Variants in PLA2G4A observed in about 807,000 individuals in gnomAD.
PLA2G4A encodes the protein phospholipase A2 group IVA, also known as cytosolic phospholipase A2.
Under a neutral mutation model 81.9 loss-of-function variants are expected in PLA2G4A, and 40 were observed. The ratio of observed to expected loss-of-function variants is 0.49; its 90% CI spans 0.38 to 0.64. The LOEUF is 0.64. Among genes scored for constraint, PLA2G4A ranks in the 30% least tolerant of loss-of-function variants. The pLI, the probability that PLA2G4A is intolerant of heterozygous loss-of-function variation, is 0.00. For missense variants in PLA2G4A, 715 were observed against 905.1 expected, an observed-to-expected ratio of 0.79 and a Z score of 2.69; for synonymous variants, 302 against 296.9, an observed-to-expected ratio of 1.02 and a Z score of -0.18.
chr1:186,893,532 A>G (rs534802346), intron 4 of PLA2G4A, among the ~76,000 whole-genome samples: 1 of 152,312 alleles, frequency 6.6e-6, no homozygotes, highest in Non-Finnish European at 1.5e-5. Context: ...CTCATATTCC[A>G]AAGTAGAGAG....
intron 3 of PLA2G4A, among the ~76,000 whole-genome samples, chr1:186,889,676 C>T (rs886585625): frequency 7.2e-6 from 1 of 138,330 alleles, no homozygotes. Context: ...CAGACAACAT[C>T]TATTTAAATT....
In PLA2G4A at chr1:186,962,843, A is replaced by G. The variant is rs115713681; in HGVS notation, c.1580-2566A>G. Among the ~76,000 whole-genome samples, 250 of 152,152 alleles carry G rather than the reference A, an allele frequency of 1.6e-3. 1 individual carries two copies. The highest frequency in any genetic ancestry group is 5.8e-3 in the African/African-American group (241 of 41,518). On this transcript the variant is annotated intron_variant, in intron 14 of 17. Coordinates refer to ENST00000367466, the MANE Select transcript of PLA2G4A (RefSeq NM_024420.3). ...GTCACTTTGTGTTATTATTTTTTAT[A>G]CTATTCATTTCAAGCCCTCTTAGTT...
chr1:186,899,076 T>C (rs1269352823), intron 5 of PLA2G4A, among the ~76,000 whole-genome samples: 4 of 152,186 alleles, frequency 2.6e-5, no homozygotes, highest in Admixed American at 2.6e-4. Context: ...ATGTAAAAGA[T>C]ACTCCTGCCA....
At position 186,979,467 on chromosome 1, in the gene PLA2G4A, A is replaced by G; in HGVS notation, c.2113A>G (p.Ile705Val). 2 of 1,586,112 alleles carry G rather than the reference A, an allele frequency of 1.3e-6. No homozygotes were observed. The highest frequency in any genetic ancestry group is 4.5e-5 in the East Asian group (2 of 44,736). Residue 705 changes from isoleucine (I) to valine (V), a missense_variant, in exon 17 of 18, where the codon ATT becomes GTT. Physicochemically the swap from Ile to Val is conservative, Grantham distance 29 (BLOSUM62 3). Coordinates refer to ENST00000367466, the MANE Select transcript of PLA2G4A (RefSeq NM_024420.3). ...TATGCACTTCAATACTCTGAACAAC[A>G]TTGATGTAAGTATCTCCTATGGCCA... ...DLMHFNTLNN[I>V]DVIKEAMVES...
chr1:186,975,667 G>A (rs772177318), intron 15 of PLA2G4A, among the ~76,000 whole-genome samples: 12 of 152,298 alleles, frequency 7.9e-5, no homozygotes, highest in Non-Finnish European at 1.3e-4. Context: ...GCTATGTCAG[G>A]GATAGTGAAT....
intron 1 of PLA2G4A, among the ~76,000 whole-genome samples, chr1:186,853,254 A>AT (rs143542357): frequency 0.036 from 5,453 of 151,764 alleles, 130 homozygotes; most frequent in Middle Eastern, 0.095. Context: ...AGAAGATCCC[A>AT]TTTTTTTAAA....
Position 186,946,777 on chromosome 1 carries a change from A to G in PLA2G4A, c.1171+3A>G. ...AAACCCCTTGCATTTCTTAATGGGTAAGTGATCAAAATAAAAATATATCAT... is the reference window on the plus strand; with the variant it reads ...AAACCCCTTGCATTTCTTAATGGGTGAGTGATCAAAATAAAAATATATCAT... On this transcript the variant is annotated splice_donor_region_variant and intron_variant, in intron 11 of 17. Transcript: ENST00000367466. 2 of 1,607,512 alleles carry G rather than the reference A, an allele frequency of 1.2e-6. No homozygotes were observed. The highest frequency in any genetic ancestry group is 2.2e-5 in the South Asian group (2 of 90,928).
At chr1:186,933,903 A>G (rs1655839721) in intron 8 of PLA2G4A, among the ~76,000 whole-genome samples, 1 of 152,106 alleles carries the variant, frequency 6.6e-6, no homozygotes, top group African/African-American at 2.4e-5. Flanking sequence ...TGGGACATCT[A>G]TATATTTTAC....
chr1:186,882,196 T>C (rs540509930), intron 3 of PLA2G4A, among the ~76,000 whole-genome samples: 2 of 152,234 alleles, frequency 1.3e-5, no homozygotes, highest in East Asian at 3.9e-4. Flanking sequence ...CAGATGTATC[T>C]AGATAAAACC....
chr1:186,980,849 C>T (rs12720701), intron 17 of PLA2G4A, among the ~76,000 whole-genome samples: 263 of 152,142 alleles, frequency 1.7e-3, no homozygotes, highest in Non-Finnish European at 2.6e-3. Context: ...TTTCAGCCTT[C>T]ATTTACAAAT....
intron 17 of PLA2G4A, among the ~76,000 whole-genome samples, chr1:186,986,807 A>C (rs1455286940): frequency 1.3e-5 from 2 of 152,192 alleles, no homozygotes; most frequent in East Asian, 1.9e-4. Context: ...ATTGCCCTCC[A>C]TCTCACACAG....
At position 186,960,183 on chromosome 1, in the gene PLA2G4A, T is replaced by G. The variant is rs1053781632; in HGVS notation, c.1579+3839T>G. ...AAACAAATTTTGGAGAGCTTTTTAT[T>G]AGTCATATGACTTCTTTCCTGTTTA... On this transcript the variant is annotated intron_variant, in intron 14 of 17. Coordinates refer to ENST00000367466, the MANE Select transcript of PLA2G4A (RefSeq NM_024420.3). 5.9e-5 allele frequency among the ~76,000 whole-genome samples: 9 copies of G among 152,296 alleles called. No homozygotes were observed. In the East Asian group the frequency reaches 1.5e-3, roughly 26 times the overall value.
At position 186,911,265 on chromosome 1, in the gene PLA2G4A, G is replaced by A; in HGVS notation, c.434G>A (p.Arg145Gln). Residue 145 changes from arginine to glutamine, a missense_variant, in exon 7 of 18, where the codon CGA (arginine) becomes CAA (glutamine). Coordinates refer to ENST00000367466, the MANE Select transcript of PLA2G4A (RefSeq NM_024420.3). ...TATTACAGCTCATGCCCAGACCTAC[G>A]ATTTAGTATGGCTCTGTGTGATCAG... ...SLEVCSCPDL[R>Q]FSMALCDQEK... The A allele has an allele frequency of 1.9e-6, 3 of 1,613,082 alleles. No individual in the cohort carries two copies. Among genetic ancestry groups the A allele is most frequent in the South Asian group, 1.1e-5 (1 of 91,048 alleles).
At chr1:186,957,599 T>C (rs536876715) in intron 14 of PLA2G4A, among the ~76,000 whole-genome samples, 7 of 152,356 alleles carry the variant, frequency 4.6e-5, no homozygotes, top group Admixed American at 6.5e-5. Context: ...TAGTGCAACA[T>C]AGGGCTTGAG....
intron 7 of PLA2G4A, among the ~76,000 whole-genome samples, chr1:186,932,109 A>G (rs1432654423): frequency 1.3e-5 from 2 of 152,138 alleles, no homozygotes; most frequent in South Asian, 2.1e-4. Flanking sequence ...CTCACCTTAC[A>G]TGATTTCTGA....
intron 15 of PLA2G4A, among the ~76,000 whole-genome samples, chr1:186,967,325 T>C (rs1228652574): frequency 6.7e-6 from 1 of 149,642 alleles, no homozygotes; most frequent in Non-Finnish European, 1.5e-5. Context: ...TTAAATAATA[T>C]GTGGAATGAG....
At chr1:186,971,380 C>T (rs1475853172) in intron 15 of PLA2G4A, among the ~76,000 whole-genome samples, 2 of 151,950 alleles carry the variant, frequency 1.3e-5, no homozygotes, top group Non-Finnish European at 2.9e-5. Flanking sequence ...CCTGTGCATT[C>T]TCTTAGATGT....
intron 1 of PLA2G4A, among the ~76,000 whole-genome samples, chr1:186,840,049 C>T (rs939625260): frequency 4.4e-5 from 6 of 136,332 alleles, no homozygotes; most frequent in Non-Finnish European, 9.1e-5. Context: ...AATCTTGGCT[C>T]ACTGCAACCT....
intron 2 of PLA2G4A, among the ~76,000 whole-genome samples, chr1:186,862,225 T>A (rs907870873): frequency 1.4e-5 from 2 of 145,484 alleles, no homozygotes; most frequent in Non-Finnish European, 3.0e-5. Flanking sequence ...GTTATGAACT[T>A]TTTTTTTGAG....
Sources: gnomAD v4.1 joint callset for allele counts (sites outside exome capture counted in the v4.1 genomes callset) on GRCh38, gnomAD v4.1.1 for gene constraint, MANE v1.5 for transcripts, NCBI Gene and HGNC (gene_info 2026-07-23, HGNC 2026-07-21) for gene names.